The following TAFA1 variants were observed in gnomAD, a reference collection of about 807,000 sequenced individuals.
TAFA1 encodes the protein TAFA chemokine like family member 1.
In TAFA1, 4 loss-of-function variants were observed where a neutral mutation model predicts 18.5. The ratio of observed to expected loss-of-function variants is 0.22; its 90% CI spans 0.11 to 0.49. TAFA1 has a LOEUF of 0.49. Ranked by LOEUF, TAFA1 falls within the 20% of genes least tolerant of loss-of-function variation. TAFA1 has a pLI of 0.98. For missense variants in TAFA1, 147 were observed against 169.0 expected (o/e 0.87, Z 0.72); for synonymous variants, 56 against 55.2 (o/e 1.01, Z -0.06).
chr3:68,131,365 G>T (rs1015878709), intron 2 of TAFA1, among the ~76,000 whole-genome samples: 3 of 152,082 alleles, frequency 2.0e-5, no homozygotes, highest in African/African-American at 7.2e-5. Flanking sequence ...GGTCTCTAAG[G>T]TGCTGTCAGA....
At position 68,177,537 on chromosome 3, in the gene TAFA1, T is replaced by C. The variant is rs113559939; in HGVS notation, c.118+170793T>C. Among the ~76,000 whole-genome samples, 643 of 152,304 alleles carry C rather than the reference T, an allele frequency of 4.2e-3. 1 individual carries two copies. Among genetic ancestry groups the C allele is most frequent in the Admixed American group, 6.8e-3 (104 of 15,306 alleles). ...AGGAGTAAGCTCCTATTATATTCAA[T>C]TTGTGATTAGATATATTGTCATCTT... On this transcript the variant is annotated intron_variant, in intron 2 of 4. Transcript: ENST00000478136.
intron 2 of TAFA1, among the ~76,000 whole-genome samples, chr3:68,250,330 A>G (rs890664738): frequency 6.6e-6 from 1 of 152,164 alleles, no homozygotes; most frequent in Non-Finnish European, 1.5e-5. Context: ...CTGATCTTAT[A>G]GCGTAAGATT....
chr3:68,223,739 T>C (rs2066760517), intron 2 of TAFA1, among the ~76,000 whole-genome samples: 1 of 152,122 alleles, frequency 6.6e-6, no homozygotes, highest in African/African-American at 2.4e-5. Flanking sequence ...CAGTAGTGGC[T>C]ATGTATTCAG....
intron 2 of TAFA1, among the ~76,000 whole-genome samples, chr3:68,401,651 A>G (rs773739424): frequency 6.6e-6 from 1 of 152,186 alleles, no homozygotes; most frequent in Non-Finnish European, 1.5e-5. Context: ...TACTTCCCCA[A>G]GAATAAATGT....
intron 2 of TAFA1, among the ~76,000 whole-genome samples, chr3:68,034,556 C>G (rs916839028): frequency 1.1e-4 from 17 of 152,184 alleles, no homozygotes; most frequent in African/African-American, 3.6e-4. Context: ...CTATTGTGAC[C>G]TAGCTTTCAG....
At chr3:68,313,437 A>T (rs2068556182) in intron 2 of TAFA1, among the ~76,000 whole-genome samples, 1 of 152,152 alleles carries the variant, frequency 6.6e-6, no homozygotes, top group Non-Finnish European at 1.5e-5. Context: ...TATACCTTGT[A>T]AAAGAACAGT....
At chr3:68,512,240 G>A (rs578218655) in intron 3 of TAFA1, among the ~76,000 whole-genome samples, 1 of 152,174 alleles carries the variant, frequency 6.6e-6, no homozygotes, top group East Asian at 1.9e-4. Flanking sequence ...TCATTTAGTG[G>A]ACTTTTGTAT....
At chr3:68,078,478 A>G (rs1559511631) in intron 2 of TAFA1, among the ~76,000 whole-genome samples, 1 of 152,196 alleles carries the variant, frequency 6.6e-6, no homozygotes, top group Non-Finnish European at 1.5e-5. Flanking sequence ...ATCTTGAGAT[A>G]CGTCCCATCA....
At chr3:68,383,480 C>T (rs1264462544) in intron 2 of TAFA1, among the ~76,000 whole-genome samples, 1 of 152,050 alleles carries the variant, frequency 6.6e-6, no homozygotes, top group Non-Finnish European at 1.5e-5. Context: ...CGATGAATCA[C>T]ATTTATTTTT....
At chr3:68,230,958 C>A in intron 2 of TAFA1, among the ~76,000 whole-genome samples, 1 of 152,198 alleles carries the variant, frequency 6.6e-6, no homozygotes, top group East Asian at 1.9e-4. Flanking sequence ...ATTTTTCAAA[C>A]AGATAAATAA....
intron 2 of TAFA1, among the ~76,000 whole-genome samples, chr3:68,127,580 A>G (rs879252757): frequency 6.8e-3 from 14 of 2,062 alleles, no homozygotes; most frequent in East Asian, 0.019. Flanking sequence ...TAGTGGTGGT[A>G]GTGATGGTAG....
At chr3:68,521,484 G>A (rs992974292) in intron 3 of TAFA1, among the ~76,000 whole-genome samples, 1 of 152,068 alleles carries the variant, frequency 6.6e-6, no homozygotes, top group Non-Finnish European at 1.5e-5. Context: ...GCCTCACGAA[G>A]CGTACAGCTT....
At chr3:68,021,716 G>T (rs772448190) in intron 2 of TAFA1, among the ~76,000 whole-genome samples, 1 of 152,172 alleles carries the variant, frequency 6.6e-6, no homozygotes. Context: ...AGGAAAAAAA[G>T]AAGTTATCAG....
At chr3:68,026,263 A>G (rs905622284) in intron 2 of TAFA1, among the ~76,000 whole-genome samples, 1 of 151,900 alleles carries the variant, frequency 6.6e-6, no homozygotes, top group Admixed American at 6.6e-5. Context: ...CCTTGTGAAG[A>G]TGAGGTGACT....
chr3:68,341,263 T>C (rs1234068139), intron 2 of TAFA1, among the ~76,000 whole-genome samples: 1 of 152,126 alleles, frequency 6.6e-6, no homozygotes, highest in East Asian at 1.9e-4. Flanking sequence ...GAGTACTGGT[T>C]GGTCGGGTTG....
chr3:68,262,923 T>C (rs2067464741), intron 2 of TAFA1, among the ~76,000 whole-genome samples: 1 of 152,228 alleles, frequency 6.6e-6, no homozygotes, highest in African/African-American at 2.4e-5. Context: ...TCAGATCTTA[T>C]AAAGTTTTAA....
chr3:68,258,900 A>C (rs1225722475), intron 2 of TAFA1, among the ~76,000 whole-genome samples: 1 of 152,220 alleles, frequency 6.6e-6, no homozygotes, highest in African/African-American at 2.4e-5. Context: ...AAGTCGCTAC[A>C]GATCTCACCT....
At chr3:68,485,213 A>G (rs2072314481) in intron 3 of TAFA1, among the ~76,000 whole-genome samples, 2 of 152,078 alleles carry the variant, frequency 1.3e-5, no homozygotes, top group Admixed American at 1.3e-4. Context: ...CAACTGCACT[A>G]CCTTATCACA....
intron 2 of TAFA1, among the ~76,000 whole-genome samples, chr3:68,165,835 G>A (rs544849184): frequency 1.0e-3 from 154 of 152,324 alleles, no homozygotes; most frequent in African/African-American, 3.3e-3. Context: ...TTTGCTCACT[G>A]CTATATCCCC....
Sources: gnomAD v4.1 joint callset for allele counts (sites outside exome capture counted in the v4.1 genomes callset) on GRCh38, gnomAD v4.1.1 for gene constraint, MANE v1.5 for transcripts, NCBI Gene and HGNC (gene_info 2026-07-23, HGNC 2026-07-21) for gene names.